Variants in RBFOX1 observed in about 807,000 individuals in gnomAD.
RBFOX1 encodes RNA binding protein fox-1 homolog 1.
Under a neutral mutation model 57.7 loss-of-function variants are expected in RBFOX1, and 8 were observed. That is an observed-to-expected ratio of 0.14 (90% confidence interval 0.08 to 0.25). RBFOX1 has a LOEUF of 0.25. RBFOX1 is among the 10% of genes least tolerant of loss of function. The probability of loss-of-function intolerance (pLI) is 1.00; values close to 1 mark genes in which losing one functional copy is unlikely to be tolerated. For synonymous variants in RBFOX1, 326 were observed against 222.4 expected (o/e 1.47, Z -4.15); for missense variants, 611 against 548.5 (o/e 1.11, Z -1.14).
At chr16:7,430,387 C>G (rs374629969) in intron 4 of RBFOX1, among the ~76,000 whole-genome samples, 1 of 152,128 alleles carries the variant, frequency 6.6e-6, no homozygotes, top group Admixed American at 6.5e-5. Context: ...CTAGGCTGGG[C>G]GCAGTGGCTC....
chr16:5,807,506 C>G (rs2055269981), intron 3 of RBFOX1, among the ~76,000 whole-genome samples: 1 of 152,172 alleles, frequency 6.6e-6, no homozygotes, highest in Non-Finnish European at 1.5e-5. Context: ...CACTTTTGCA[C>G]AACCAGGAAA....
At chr16:6,327,951 C>T (rs1216881030) in intron 2 of RBFOX1, among the ~76,000 whole-genome samples, 2 of 152,138 alleles carry the variant, frequency 1.3e-5, no homozygotes, top group South Asian at 2.1e-4. Context: ...GGCGTACACT[C>T]AGAAGACAGC....
At chr16:6,853,666 G>A (rs528383183) in intron 3 of RBFOX1, among the ~76,000 whole-genome samples, 1 of 152,262 alleles carries the variant, frequency 6.6e-6, no homozygotes, top group African/African-American at 2.4e-5. Context: ...CCTGTATGGA[G>A]GCTAATTTGT....
intron 4 of RBFOX1, among the ~76,000 whole-genome samples, chr16:7,466,979 C>A (rs115224168): frequency 1.3e-5 from 2 of 152,112 alleles, no homozygotes; most frequent in Admixed American, 6.6e-5. Context: ...TGCTCCAGGG[C>A]CCTGTGTTAG....
intron 2 of RBFOX1, among the ~76,000 whole-genome samples, chr16:5,563,092 G>T (rs2045945141): frequency 6.6e-6 from 1 of 152,186 alleles, no homozygotes; most frequent in South Asian, 2.1e-4. Flanking sequence ...TGGGCTTACA[G>T]GCACCCGCCA....
chr16:6,623,800 T>C (rs1311581802), intron 2 of RBFOX1, among the ~76,000 whole-genome samples: 2 of 152,248 alleles, frequency 1.3e-5, no homozygotes, highest in East Asian at 1.9e-4. Context: ...CTGCATAGTA[T>C]TCTATGGTGT....
At chr16:6,251,118 C>G (rs997100566) in intron 1 of RBFOX1, among the ~76,000 whole-genome samples, 2 of 152,124 alleles carry the variant, frequency 1.3e-5, no homozygotes, top group African/African-American at 4.8e-5. Flanking sequence ...AGCTCTTAAT[C>G]TTAATGACCA....
intron 4 of RBFOX1, among the ~76,000 whole-genome samples, chr16:7,184,459 C>A (rs971923496): frequency 6.6e-6 from 1 of 152,224 alleles, no homozygotes; most frequent in Non-Finnish European, 1.5e-5. Flanking sequence ...GTCTGTTCAT[C>A]TGCATTGCAT....
chr16:6,855,880 C>G (rs1567576903), intron 3 of RBFOX1, among the ~76,000 whole-genome samples: 1 of 129,512 alleles, frequency 7.7e-6, no homozygotes, highest in Non-Finnish European at 1.6e-5. Context: ...GCTTTCTTCC[C>G]TCCTTGTCTC....
chr16:7,564,289 C>T (rs1160374918), intron 5 of RBFOX1, among the ~76,000 whole-genome samples: 1 of 151,952 alleles, frequency 6.6e-6, no homozygotes, highest in African/African-American at 2.4e-5. Context: ...CCTGTAATCC[C>T]AGCACTTTGG....
intron 4 of RBFOX1, among the ~76,000 whole-genome samples, chr16:7,446,527 G>T (rs2098808916): frequency 6.6e-6 from 1 of 152,172 alleles, no homozygotes; most frequent in African/African-American, 2.4e-5. Context: ...AGGTTGGGAA[G>T]ATTGATGTTA....
At chr16:6,351,322 ACGTGTG>A (rs2086308010) in intron 2 of RBFOX1, among the ~76,000 whole-genome samples, 1 of 129,018 alleles carries the variant, frequency 7.8e-6, no homozygotes, top group African/African-American at 3.1e-5. Context: ...TATATATATA[ACGTGTG>A]TGTGTGTGTG....
chr16:5,780,211 C>G (rs1009700689), intron 3 of RBFOX1, among the ~76,000 whole-genome samples: 1 of 152,194 alleles, frequency 6.6e-6, no homozygotes, highest in African/African-American at 2.4e-5. Context: ...CTATCTTGGC[C>G]AGGCTGGTCT....
At chr16:7,049,724 C>G (rs568726657) in intron 3 of RBFOX1, among the ~76,000 whole-genome samples, 1 of 152,188 alleles carries the variant, frequency 6.6e-6, no homozygotes, top group East Asian at 1.9e-4. Flanking sequence ...TTTCAGAGAT[C>G]TCAAATAGCT....
intron 1 of RBFOX1, among the ~76,000 whole-genome samples, chr16:6,147,019 A>C (rs74004988): frequency 0.041 from 6,255 of 152,204 alleles, 401 homozygotes; most frequent in African/African-American, 0.13. Context: ...GGCCATCTGT[A>C]GACTCACTGC....
At chr16:5,704,968 T>C (rs1167815036) in intron 3 of RBFOX1, among the ~76,000 whole-genome samples, 1 of 152,094 alleles carries the variant, frequency 6.6e-6, no homozygotes, top group African/African-American at 2.4e-5. Flanking sequence ...AACCTGCTCA[T>C]CTCCAAGGGC....
chr16:5,709,751 C>G (rs1257973431), intron 3 of RBFOX1, among the ~76,000 whole-genome samples: 1 of 132,884 alleles, frequency 7.5e-6, no homozygotes, highest in Admixed American at 7.9e-5. Flanking sequence ...GAGATCTTTA[C>G]ACCAATATCT....
intron 1 of RBFOX1, among the ~76,000 whole-genome samples, chr16:6,187,873 ATG>A (rs1456310147): frequency 2.6e-5 from 4 of 152,210 alleles, no homozygotes; most frequent in African/African-American, 9.6e-5. Flanking sequence ...TGTTTGGCAC[ATG>A]TGTTAACCTT....
intron 3 of RBFOX1, among the ~76,000 whole-genome samples, chr16:6,746,012 T>C (rs143357633): frequency 8.5e-5 from 13 of 152,332 alleles, no homozygotes; most frequent in Admixed American, 6.5e-4. Flanking sequence ...CTTAAAAATA[T>C]CATTTGCAAT....
Sources: allele counts gnomAD v4.1 joint callset (sites outside exome capture counted in the v4.1 genomes callset), GRCh38; gene constraint gnomAD v4.1.1; transcripts MANE v1.5; gene names NCBI Gene and HGNC (gene_info 2026-07-23, HGNC 2026-07-21).